Variants in ZC4H2 observed in about 807,000 individuals in gnomAD.
The protein encoded by ZC4H2 is zinc finger C4H2 domain-containing protein.
For missense variants in ZC4H2, 137 were observed against 173.9 expected, an observed-to-expected ratio of 0.79 and a Z score of 1.19; for synonymous variants, 84 against 66.3, an observed-to-expected ratio of 1.27 and a Z score of -1.30.
At chrX:64,942,734 T>A (rs1053333295) in intron 1 of ZC4H2, among the ~76,000 whole-genome samples, 1 of 112,072 alleles carries the variant, frequency 8.9e-6, no homozygotes, top group East Asian at 2.8e-4. Flanking sequence ...CTATCATTGA[T>A]GGGCATTTGC....
At chrX:65,024,654 T>A (rs761431919) in intron 1 of ZC4H2, among the ~76,000 whole-genome samples, 4 of 112,068 alleles carry the variant, frequency 3.6e-5, no homozygotes, top group Non-Finnish European at 7.5e-5. Context: ...CAGGTGCTCA[T>A]TAATGGTAGA....
chrX:64,949,741 C>A (rs1195458626), intron 1 of ZC4H2, among the ~76,000 whole-genome samples: 1 of 111,095 alleles, frequency 9.0e-6, no homozygotes, highest in African/African-American at 3.3e-5. Flanking sequence ...ACTCTCTTTT[C>A]TTCTTTATTA....
At chrX:64,996,264 C>A (rs923211143) in intron 1 of ZC4H2, among the ~76,000 whole-genome samples, 1 of 110,606 alleles carries the variant, frequency 9.0e-6, no homozygotes, top group African/African-American at 3.3e-5. Context: ...AGCTAAGAAA[C>A]AGAAACTTCA....
chrX:64,951,397 A>G (rs2147389112), intron 1 of ZC4H2, among the ~76,000 whole-genome samples: 1 of 111,711 alleles, frequency 9.0e-6, no homozygotes, highest in Non-Finnish European at 1.9e-5. Flanking sequence ...CAACGGTTGA[A>G]CTAGTTTACA....
intron 1 of ZC4H2, among the ~76,000 whole-genome samples, chrX:65,025,785 C>T (rs1932873891): frequency 3.6e-5 from 4 of 112,219 alleles, no homozygotes; most frequent in African/African-American, 3.2e-5. Flanking sequence ...ATACCAGCTG[C>T]AACTCTGATT....
chrX:64,922,090 C>T (rs1280893275), intron 1 of ZC4H2, 102 bp from the exon 2 acceptor site: 67 of 1,121,082 alleles, frequency 6.0e-5, no homozygotes, highest in Non-Finnish European at 7.5e-5. Context: ...GCTTCCCCCT[C>T]TCCAGGCAGA....
chrX:64,923,902 C>T (rs1046588544), intron 1 of ZC4H2, among the ~76,000 whole-genome samples: 14 of 111,003 alleles, frequency 1.3e-4, no homozygotes, highest in Admixed American at 7.7e-4. Context: ...GGTTACCAGG[C>T]TGAAGGGCAT....
chrX:65,002,408 C>G (rs1340934286), intron 1 of ZC4H2, among the ~76,000 whole-genome samples: 2 of 108,633 alleles, frequency 1.8e-5, no homozygotes, highest in East Asian at 3.0e-4. Context: ...GGGGGGTCAG[C>G]CCCCGCCCGG....
chrX:65,010,405 T>C (rs1157885170), intron 1 of ZC4H2, among the ~76,000 whole-genome samples: 1 of 112,781 alleles, frequency 8.9e-6, no homozygotes, highest in East Asian at 2.8e-4. Context: ...AAAGTCCAGA[T>C]ATATTAAGTC....
chrX:65,016,268 T>C (rs1414402710), intron 1 of ZC4H2, among the ~76,000 whole-genome samples: 2 of 111,325 alleles, frequency 1.8e-5, no homozygotes, highest in Admixed American at 9.6e-5. Context: ...TGACCAATGA[T>C]CTTAAGTGGG....
At chrX:64,951,141 A>AT (rs760536113) in intron 1 of ZC4H2, among the ~76,000 whole-genome samples, 1 of 112,149 alleles carries the variant, frequency 8.9e-6, no homozygotes, top group Non-Finnish European at 1.9e-5. Flanking sequence ...TGAACTCATC[A>AT]TTTTTTATGG....
chrX:64,991,858 T>C (rs2147273788), intron 1 of ZC4H2, among the ~76,000 whole-genome samples: 1 of 112,275 alleles, frequency 8.9e-6, no homozygotes, highest in South Asian at 3.7e-4. Flanking sequence ...ACAAATGAAG[T>C]ATTGATCACA....
chrX:64,955,240 G>T (rs1262345928), intron 1 of ZC4H2, among the ~76,000 whole-genome samples: 1 of 111,770 alleles, frequency 8.9e-6, no homozygotes, highest in Admixed American at 9.5e-5. Context: ...TAAACATTTT[G>T]TATAAGAATT....
At chrX:64,938,476 C>T (rs1327245667) in intron 1 of ZC4H2, among the ~76,000 whole-genome samples, 2 of 111,324 alleles carry the variant, frequency 1.8e-5, no homozygotes, top group Non-Finnish European at 3.8e-5. Context: ...GGCAGAGACA[C>T]AACAAAAAAG....
intron 3 of ZC4H2, 164 bp from the exon 4 acceptor site, chrX:64,919,368 A>G: frequency 2.0e-6 from 1 of 502,666 alleles, no homozygotes. Flanking sequence ...ACTAGGCCCA[A>G]TGTCTGATGA....
chrX:65,029,163 A>G (rs1932910400), intron 1 of ZC4H2, among the ~76,000 whole-genome samples: 1 of 111,475 alleles, frequency 9.0e-6, no homozygotes, highest in African/African-American at 3.3e-5. Context: ...AAAAAATATA[A>G]AGAGGAAGGA....
chrX:64,983,100 T>C (rs1264044513), intron 1 of ZC4H2, among the ~76,000 whole-genome samples: 1 of 111,250 alleles, frequency 9.0e-6, no homozygotes, highest in Non-Finnish European at 1.9e-5. Context: ...CAGGTGGCAG[T>C]ATGCATAGTG....
At chrX:64,934,187 G>A (rs1161711375) in intron 1 of ZC4H2, among the ~76,000 whole-genome samples, 1 of 112,063 alleles carries the variant, frequency 8.9e-6, no homozygotes. Context: ...CTTCTGCTAG[G>A]ACTGTGGCTT....
chrX:65,007,164 T>G (rs1414178322), intron 1 of ZC4H2, among the ~76,000 whole-genome samples: 2 of 112,153 alleles, frequency 1.8e-5, no homozygotes, highest in African/African-American at 3.2e-5. Flanking sequence ...TTTTAAAGTC[T>G]TTGTCTGATA....
Sources: allele counts gnomAD v4.1 joint callset (sites outside exome capture counted in the v4.1 genomes callset), GRCh38; gene constraint gnomAD v4.1.1; transcripts MANE v1.5; gene names NCBI Gene and HGNC (gene_info 2026-07-23, HGNC 2026-07-21).